LDB2: variants seen among roughly 807,000 people sequenced by gnomAD.
LDB2 encodes the protein LIM domain binding 2.
A neutral mutation model predicts 44.3 loss-of-function variants in LDB2; 12 were observed. The ratio of observed to expected loss-of-function variants is 0.27; its 90% confidence interval spans 0.17 to 0.44. The LOEUF is 0.44. Ranked by LOEUF, LDB2 falls within the 20% of genes least tolerant of loss-of-function variation. The pLI, the probability that LDB2 is intolerant of heterozygous loss-of-function variation, is 1.00. For synonymous variants in LDB2, 164 were observed against 174.8 expected (o/e 0.94, Z 0.49); for missense variants, 344 against 473.5 (o/e 0.73, Z 2.54).
At chr4:16,665,528 G>C (rs1173568930) in intron 2 of LDB2, among the ~76,000 whole-genome samples, 8 of 152,214 alleles carry the variant, frequency 5.3e-5, no homozygotes, top group African/African-American at 1.9e-4. Context: ...GCCTCCCAAA[G>C]TGCTGGGATT....
chr4:16,736,342 C>T (rs1553992445), intron 2 of LDB2, among the ~76,000 whole-genome samples: 5 of 152,340 alleles, frequency 3.3e-5, no homozygotes, highest in East Asian at 3.9e-4. Context: ...ACACACAACA[C>T]TCCTGAGTTT....
chr4:16,522,668 C>T (rs915747739), intron 5 of LDB2, among the ~76,000 whole-genome samples: 2 of 152,130 alleles, frequency 1.3e-5, no homozygotes, highest in Non-Finnish European at 1.5e-5. Flanking sequence ...TAAATATACA[C>T]ACACACATAA....
At chr4:16,721,958 T>C (rs1466831182) in intron 2 of LDB2, among the ~76,000 whole-genome samples, 4 of 152,202 alleles carry the variant, frequency 2.6e-5, no homozygotes, top group Non-Finnish European at 4.4e-5. Flanking sequence ...ATTTTCATTT[T>C]GTTTAAATAA....
Position 16,898,637 on chromosome 4 carries a change from C to G in LDB2, c.-152G>C. ...CAGGCAGGCAGGCTGAACACGCTGG[C>G]TGGGAACTGCTGTCGGAGCCCTCTA... On this transcript the variant is annotated 5_prime_UTR_variant, in exon 1 of 8. Coordinates refer to ENST00000304523, the MANE Select transcript of LDB2 (RefSeq NM_001290.5). 2.6e-6 allele frequency: 1 copy of G among 377,698 alleles called. No individual in the cohort carries two copies. The highest frequency in any genetic ancestry group is 3.5e-5 in the Admixed American group (1 of 28,396). The allele number at this position is 377,698 out of a possible 1,614,324, so 23.4% of individuals were successfully genotyped here.
In LDB2 at chr4:16,514,439, A is replaced by G. The variant is rs184662893; in HGVS notation, c.616-2335T>C. Among the ~76,000 whole-genome samples the G allele has an allele frequency of 3.3e-3, 505 of 152,270 alleles. 5 individuals are homozygous for G. Among genetic ancestry groups the G allele is most frequent in the Non-Finnish European group, 4.8e-3 (325 of 68,010 alleles). Reference sequence around the variant, plus strand: ...TAATAGAGACAGCAAGACTTGCACAAACCCCCAGTGGTGTCCAGTTCTAAA... The same window carrying G: ...TAATAGAGACAGCAAGACTTGCACAGACCCCCAGTGGTGTCCAGTTCTAAA... On this transcript the variant is annotated intron_variant, in intron 5 of 7. Coordinates refer to ENST00000304523, the MANE Select transcript of LDB2 (RefSeq NM_001290.5).
intron 1 of LDB2, among the ~76,000 whole-genome samples, chr4:16,801,643 T>C (rs573003768): frequency 8.9e-4 from 135 of 152,234 alleles, no homozygotes; most frequent in Non-Finnish European, 1.4e-3. Context: ...GATTACATTA[T>C]TCAATAGTGC....
intron 1 of LDB2, among the ~76,000 whole-genome samples, chr4:16,776,983 C>T (rs1296544477): frequency 1.3e-5 from 2 of 152,224 alleles, no homozygotes; most frequent in Non-Finnish European, 2.9e-5. Flanking sequence ...ACACCCCCTT[C>T]AGTTGTGACA....
chr4:16,790,005 G>C (rs1156881953), intron 1 of LDB2, among the ~76,000 whole-genome samples: 1 of 152,152 alleles, frequency 6.6e-6, no homozygotes, highest in African/African-American at 2.4e-5. Flanking sequence ...AGAAAGTCAA[G>C]GCTCAGAGAG....
At chr4:16,868,041 T>C (rs189744709) in intron 1 of LDB2, among the ~76,000 whole-genome samples, 13 of 152,318 alleles carry the variant, frequency 8.5e-5, no homozygotes, top group Non-Finnish European at 1.8e-4. Flanking sequence ...AGCCCTACAG[T>C]AGTTACATAT....
chr4:16,862,847 A>T (rs1424992649), intron 1 of LDB2, among the ~76,000 whole-genome samples: 1 of 152,086 alleles, frequency 6.6e-6, no homozygotes, highest in East Asian at 1.9e-4. Context: ...TCCGCCCCCG[A>T]AGTCCAGCAA....
intron 2 of LDB2, among the ~76,000 whole-genome samples, chr4:16,755,683 C>A (rs957499652): frequency 9.2e-5 from 14 of 152,214 alleles, no homozygotes; most frequent in African/African-American, 3.4e-4. Context: ...CCCTAATGTT[C>A]TTTATTCTAC....
intron 1 of LDB2, among the ~76,000 whole-genome samples, chr4:16,763,818 C>T (rs1008951998): frequency 6.6e-6 from 1 of 152,022 alleles, no homozygotes; most frequent in African/African-American, 2.4e-5. Context: ...ATTTCTGCCT[C>T]TTAATAGCTG....
chr4:16,828,527 G>A (rs1273917255), intron 1 of LDB2, among the ~76,000 whole-genome samples: 1 of 152,180 alleles, frequency 6.6e-6, no homozygotes, highest in Non-Finnish European at 1.5e-5. Context: ...CACAGTCCAT[G>A]AGCACAGTTT....
intron 5 of LDB2, among the ~76,000 whole-genome samples, chr4:16,555,312 A>G (rs563029219): frequency 1.4e-4 from 21 of 152,340 alleles, no homozygotes; most frequent in African/African-American, 4.6e-4. Flanking sequence ...TGTCACATCT[A>G]TTTAAAGAAC....
chr4:16,800,094 G>A (rs1056009957), intron 1 of LDB2, among the ~76,000 whole-genome samples: 6 of 151,988 alleles, frequency 3.9e-5, no homozygotes, highest in Non-Finnish European at 7.4e-5. Flanking sequence ...GCGGAGCTGG[G>A]AAACAAATAT....
chr4:16,645,985 A>G (rs1736694142), intron 2 of LDB2, among the ~76,000 whole-genome samples: 1 of 152,180 alleles, frequency 6.6e-6, no homozygotes, highest in African/African-American at 2.4e-5. Flanking sequence ...TGGGGCTAGA[A>G]TCTCTTTTAG....
intron 2 of LDB2, 34 bp from the exon 3 acceptor site, chr4:16,595,909 C>CA: frequency 1.3e-6 from 2 of 1,598,784 alleles, no homozygotes; most frequent in Non-Finnish European, 1.7e-6. Flanking sequence ...AAACCATTAA[C>CA]AAAAATATCC....
At chr4:16,724,811 C>T (rs1001165655) in intron 2 of LDB2, among the ~76,000 whole-genome samples, 13 of 152,090 alleles carry the variant, frequency 8.5e-5, no homozygotes, top group East Asian at 5.8e-4. Context: ...TAAACAATTC[C>T]GAAAGAAGTT....
At chr4:16,581,427 G>GA (rs377570214) in intron 5 of LDB2, 350 of 946,964 alleles carry the variant, frequency 3.7e-4, no homozygotes, top group South Asian at 9.3e-4. Flanking sequence ...GCTGTTACTG[G>GA]AAAAAAAAAA....
Sources: allele counts gnomAD v4.1 joint callset (sites outside exome capture counted in the v4.1 genomes callset), GRCh38; gene constraint gnomAD v4.1.1; transcripts MANE v1.5; gene names NCBI Gene and HGNC (gene_info 2026-07-23, HGNC 2026-07-21).